LPIN2: variants seen among roughly 807,000 people sequenced by gnomAD.
LPIN2 encodes phosphatidate phosphatase LPIN2.
LPIN2 carries 55 observed loss-of-function variants against 111.4 expected under a neutral mutation model. The observed-to-expected ratio is 0.49, with a 90% CI of 0.40 to 0.62. The LOEUF is 0.62. Ranked by LOEUF, LPIN2 falls within the 20% of genes least tolerant of loss-of-function variation. LPIN2 has a pLI of 0.00. For synonymous variants in LPIN2, 425 were observed against 414.0 expected (o/e 1.03, Z -0.32); for missense variants, 992 against 1,112.1 (o/e 0.89, Z 1.54).
intron 1 of LPIN2, chr18:2,972,373 CA>C (rs1411454469): frequency 6.6e-6 from 1 of 152,208 alleles, no homozygotes; most frequent in Non-Finnish European, 1.5e-5. Flanking sequence ...TCAGCCGAGG[CA>C]GGGGCAAGGG....
intron 1 of LPIN2, among the ~76,000 whole-genome samples, chr18:2,970,699 C>A (rs942201211): frequency 1.3e-5 from 2 of 152,148 alleles, no homozygotes; most frequent in African/African-American, 2.4e-5. Context: ...CAAACATAAC[C>A]CAGATAACAC....
intron 4 of LPIN2, among the ~76,000 whole-genome samples, chr18:2,945,128 GA>G (rs1427779819): frequency 2.0e-5 from 3 of 151,822 alleles, no homozygotes; most frequent in African/African-American, 2.4e-5. Context: ...ACAAATCCAT[GA>G]AAAAAACTGA....
intron 1 of LPIN2, chr18:2,984,924 G>A (rs1567854126): frequency 6.5e-6 from 1 of 152,726 alleles, no homozygotes; most frequent in Admixed American, 6.5e-5. Context: ...TAGCAAGTGA[G>A]GCGTGGTGGA....
chr18:2,958,141 C>CAAAAAAA (rs1224779773), intron 2 of LPIN2, among the ~76,000 whole-genome samples: 258 of 11,914 alleles, frequency 0.022, 64 homozygotes, highest in East Asian at 0.064. Flanking sequence ...GACTCCATCT[C>CAAAAAAA]AAAAAAAAAA....
At chr18:2,991,416 T>A (rs2078263512) in intron 1 of LPIN2, among the ~76,000 whole-genome samples, 1 of 152,148 alleles carries the variant, frequency 6.6e-6, no homozygotes, top group Admixed American at 6.5e-5. Context: ...GTTTGGTCGT[T>A]TCTCAAAAGC....
At chr18:2,948,294 A>C (rs1424057593) in intron 4 of LPIN2, 1 of 152,264 alleles carries the variant, frequency 6.6e-6, no homozygotes, top group African/African-American at 2.4e-5. Context: ...TTACCAAGCC[A>C]GCAAGCTGCT....
chr18:2,923,437 A>G (rs1260515943), intron 16 of LPIN2, among the ~76,000 whole-genome samples: 1 of 151,470 alleles, frequency 6.6e-6, no homozygotes, highest in African/African-American at 2.4e-5. Flanking sequence ...AAAAAAAAAA[A>G]AAAAAAAAAA....
intron 2 of LPIN2, among the ~76,000 whole-genome samples, chr18:2,955,852 C>T (rs599325): frequency 0.75 from 114,035 of 151,882 alleles, 43,156 homozygotes; most frequent in Non-Finnish European, 0.78. Context: ...GAGGCGGAGG[C>T]TGCAGTGAGC....
rs2077028433 is a variant in LPIN2 at position 2,920,001 on chromosome 18, A to G, written c.*292T>C. 1 of 509,582 alleles carries G rather than the reference A, an allele frequency of 2.0e-6. No homozygotes were observed. Among genetic ancestry groups the G allele is most frequent in the South Asian group, 2.1e-5 (1 of 47,680 alleles). 31.6% of individuals were successfully genotyped at this position (509,582 alleles called of 1,614,324 possible). On this transcript the variant is annotated 3_prime_UTR_variant, in exon 20 of 20. Transcript: ENST00000677752. The stretch of plus-strand genomic sequence containing the variant: ...CTTTTTTCTTCCTTTAAAATGATGC[A>G]ATGGAAGGAGGCCCCAGCTCACAGC...
chr18:2,960,239 T>C (rs1376908641), intron 2 of LPIN2, among the ~76,000 whole-genome samples: 2 of 150,348 alleles, frequency 1.3e-5, no homozygotes, highest in African/African-American at 4.9e-5. Flanking sequence ...TACCCACCTA[T>C]TCCATTTACA....
chr18:2,939,453 T>C (rs1255155472), intron 6 of LPIN2, 27 bp downstream of exon 6: 1 of 1,612,674 alleles, frequency 6.2e-7, no homozygotes. Context: ...ATTAACACAC[T>C]TTCCACAGGC....
At position 2,937,778 on chromosome 18, in the gene LPIN2, G is replaced by A. The variant is rs767142433; in HGVS notation, c.1082C>T (p.Ala361Val). The A allele has an allele frequency of 2.5e-6, 4 of 1,614,098 alleles. No homozygotes were observed. The South Asian group carries it at 3.3e-5, about 13-fold the overall frequency. Residue 361 changes from alanine (A) to valine (V), a missense_variant, in exon 7 of 20, where the codon GCT (alanine) becomes GTT (valine). Ala to Val is a moderately conservative substitution (Grantham distance 64, BLOSUM62 0). Transcript: ENST00000677752. ...ESTQISSMLD[A>V]DHLPNAALAE... ...TAAGGCTGCGTTGGGAAGGTGGTCAGCATCTAACATAGATGAAATCTGAGT... is the reference window on the plus strand; with the variant it reads ...TAAGGCTGCGTTGGGAAGGTGGTCAACATCTAACATAGATGAAATCTGAGT...
In LPIN2 at chr18:2,963,120, T is replaced by C. The variant is rs540912739; in HGVS notation, c.-9-2271A>G. Among the ~76,000 whole-genome samples, 4 of 152,304 alleles carry C rather than the reference T, an allele frequency of 2.6e-5. No individual in the cohort carries two copies. The South Asian group carries it at 8.3e-4, about 32-fold the overall frequency. On this transcript the variant is annotated intron_variant, in intron 1 of 19. Coordinates refer to ENST00000677752, the MANE Select transcript of LPIN2 (RefSeq NM_001375808.2). ...CTTGACAGATAATGAAACAATGACATTTATATTGTGAAGGCTGGTAAAACA... is the reference window on the plus strand; with the variant it reads ...CTTGACAGATAATGAAACAATGACACTTATATTGTGAAGGCTGGTAAAACA...
At position 2,920,026 on chromosome 18, in the gene LPIN2, C is replaced by T. The variant is rs1417011171; in HGVS notation, c.*267G>A. 1.8e-6 allele frequency: 1 copy of T among 556,996 alleles called. No individual in the cohort carries two copies. Among genetic ancestry groups the T allele is most frequent in the South Asian group, 2.0e-5 (1 of 49,400 alleles). 34.5% of individuals were successfully genotyped at this position (556,996 alleles called of 1,614,324 possible). A position where few individuals can be genotyped will look rare whatever the true frequency, so the allele number is the denominator to read the frequency against. On this transcript the variant is annotated 3_prime_UTR_variant, in exon 20 of 20. Coordinates refer to ENST00000677752, the MANE Select transcript of LPIN2 (RefSeq NM_001375808.2). Reference sequence around the variant, plus strand: ...AATGGAAGGAGGCCCCAGCTCACAGCAGGAAACATGTGTGCGACCCACAAA... The same window carrying T: ...AATGGAAGGAGGCCCCAGCTCACAGTAGGAAACATGTGTGCGACCCACAAA...
chr18:2,987,564 T>C (rs1003643484), intron 1 of LPIN2, among the ~76,000 whole-genome samples: 3 of 152,234 alleles, frequency 2.0e-5, no homozygotes, highest in Non-Finnish European at 4.4e-5. Flanking sequence ...TTCTCTTCCA[T>C]AGCTGGTTCC....
At chr18:2,962,010 T>C (rs918565583) in intron 1 of LPIN2, among the ~76,000 whole-genome samples, 2 of 152,230 alleles carry the variant, frequency 1.3e-5, no homozygotes, top group Non-Finnish European at 2.9e-5. Flanking sequence ...GATCATGTTC[T>C]GTGTTGCCAA....
chr18:3,010,969 G>A (rs1440943764), intron 1 of LPIN2, among the ~76,000 whole-genome samples: 2 of 152,162 alleles, frequency 1.3e-5, no homozygotes, highest in African/African-American at 4.8e-5. Flanking sequence ...AAGTGCCACC[G>A]TCTTCCAGGT....
rs563019654 is a variant in LPIN2 at position 2,937,850 on chromosome 18, C to T, written c.1010G>A (p.Ser337Asn). The T allele has an allele frequency of 1.2e-6, 2 of 1,614,144 alleles. No individual in the cohort carries two copies. The highest frequency in any genetic ancestry group is 1.1e-5 in the South Asian group (1 of 91,084). Residue 337 changes from serine (S) to asparagine (N), a missense_variant, in exon 7 of 20, where the codon AGC (serine) becomes AAC (asparagine). This residue lies in a region of LPIN2 where 709 missense variants were observed against 753.2 expected (regional missense o/e 0.94). Coordinates refer to ENST00000677752, the MANE Select transcript of LPIN2 (RefSeq NM_001375808.2). ...PKPRALGTQM[S>N]DPTSVAELLE... ...AAGCTCTGCCACAGATGTTGGGTCG[C>T]TCATCTGTGTACCCAGGGCTCTGGG...
At chr18:2,988,243 CA>C (rs1230281498) in intron 1 of LPIN2, among the ~76,000 whole-genome samples, 1 of 152,084 alleles carries the variant, frequency 6.6e-6, no homozygotes, top group Non-Finnish European at 1.5e-5. Context: ...TCAGAATGTA[CA>C]ACATTCCATA....
Sources: allele counts gnomAD v4.1 joint callset (sites outside exome capture counted in the v4.1 genomes callset), GRCh38; gene constraint gnomAD v4.1.1; regional missense constraint gnomAD v4.1.1; transcripts MANE v1.5; gene names NCBI Gene and HGNC (gene_info 2026-07-23, HGNC 2026-07-21).